The following GLE1 variants were observed in gnomAD, a reference collection of about 807,000 sequenced individuals.
GLE1 encodes mRNA export factor GLE1.
In GLE1, 78 loss-of-function variants were observed where a neutral mutation model predicts 97.3. That is an observed-to-expected ratio of 0.80 (90% CI 0.67 to 0.97). GLE1 has a LOEUF of 0.97. GLE1 is among the 50% of genes least tolerant of loss of function. GLE1 has a pLI of 0.00. For synonymous variants in GLE1, 302 were observed against 313.4 expected (o/e 0.96, Z 0.39); for missense variants, 753 against 857.5 (o/e 0.88, Z 1.52).
At chr9:128,525,560 G>C (rs1435646106) in intron 7 of GLE1, 137 bp downstream of exon 7, 3 of 711,254 alleles carry the variant, frequency 4.2e-6, no homozygotes, top group East Asian at 5.4e-5. Context: ...TTCAGTTTTG[G>C]TTGATGTAGA....
chr9:128,539,940 G>T, intron 14 of GLE1: 1 of 1,099,354 alleles, frequency 9.1e-7, no homozygotes, highest in Non-Finnish European at 1.3e-6. Flanking sequence ...GAGCACAGTG[G>T]CTTATGCCTA....
chr9:128,520,368 A>G (rs1004617207), intron 3 of GLE1, among the ~76,000 whole-genome samples: 38 of 133,970 alleles, frequency 2.8e-4, no homozygotes, highest in African/African-American at 6.8e-4. Context: ...GTGTGTATAT[A>G]TGTATATATG....
At chr9:128,539,270 G>C (rs1847818470) in intron 13 of GLE1, among the ~76,000 whole-genome samples, 1 of 152,038 alleles carries the variant, frequency 6.6e-6, no homozygotes, top group South Asian at 2.1e-4. Context: ...CACCATACAT[G>C]AACAATGATC....
At chr9:128,522,067 A>T (rs978927235) in intron 3 of GLE1, among the ~76,000 whole-genome samples, 1 of 152,164 alleles carries the variant, frequency 6.6e-6, no homozygotes, top group African/African-American at 2.4e-5. Flanking sequence ...TAAATTACCA[A>T]TGAACCCCAT....
intron 9 of GLE1, among the ~76,000 whole-genome samples, chr9:128,531,232 A>G (rs1472739974): frequency 1.3e-5 from 2 of 151,256 alleles, no homozygotes; most frequent in African/African-American, 4.9e-5. Context: ...AAAAAAAAAA[A>G]AAAGGTGGAT....
intron 12 of GLE1, among the ~76,000 whole-genome samples, chr9:128,537,453 C>CA (rs57584433): frequency 0.27 from 11,547 of 43,372 alleles, 1,361 homozygotes; most frequent in African/African-American, 0.36. Context: ...AACTCTCCCT[C>CA]AAAAAAAAAA....
intron 2 of GLE1, among the ~76,000 whole-genome samples, chr9:128,512,640 G>A (rs1390706435): frequency 1.3e-5 from 2 of 151,562 alleles, no homozygotes; most frequent in Non-Finnish European, 2.9e-5. Flanking sequence ...GTCTTTATCT[G>A]TAAATCTCAT....
At position 128,541,121 on chromosome 9, in the gene GLE1, A is replaced by T. The variant is rs774967923; in HGVS notation, c.2048A>T (p.Asp683Val). The change falls in exon 16 of 16, where the codon GAC becomes GTC. Residue 683 changes from aspartate (D) to valine (V), a missense_variant. Physicochemically the swap from Asp to Val is radical, Grantham distance 152. Transcript: ENST00000309971. Reference sequence around the variant, plus strand: ...GACCAGAAATGTTTGCAACACAAGGACATTCCTGTCCCCAAGGGCTTTCTG... The same window carrying T: ...GACCAGAAATGTTTGCAACACAAGGTCATTCCTGTCCCCAAGGGCTTTCTG... ...QFLEKCLQHK[D>V]IPVPKGFLTS... is the part of the protein sequence containing the mutation. The T allele has an allele frequency of 1.9e-6, 3 of 1,587,108 alleles. No individual in the cohort carries two copies. The highest frequency in any genetic ancestry group is 2.6e-6 in the Non-Finnish European group (3 of 1,155,364).
At chr9:128,506,055 C>G (rs1846631793) in intron 1 of GLE1, among the ~76,000 whole-genome samples, 3 of 152,036 alleles carry the variant, frequency 2.0e-5, no homozygotes, top group Admixed American at 2.0e-4. Flanking sequence ...TCAAAATAAT[C>G]ACATGCAAGG....
intron 1 of GLE1, among the ~76,000 whole-genome samples, chr9:128,506,516 T>C (rs1009611170): frequency 1.3e-5 from 2 of 152,208 alleles, no homozygotes; most frequent in Non-Finnish European, 2.9e-5. Context: ...CACAAAAAGA[T>C]GTCCCAGGTG....
chr9:128,515,454 C>A, intron 2 of GLE1, 75 bp from the exon 3 acceptor site: 1 of 826,658 alleles, frequency 1.2e-6, no homozygotes, highest in Non-Finnish European at 2.0e-6. Flanking sequence ...TGGTCTTTGT[C>A]TAGAAGAGAT....
intron 7 of GLE1, among the ~76,000 whole-genome samples, chr9:128,526,222 A>T (rs1847296789): frequency 6.6e-6 from 1 of 151,574 alleles, no homozygotes; most frequent in Admixed American, 6.6e-5. Context: ...GGATTTCACC[A>T]CGTTGGCCAG....
At chr9:128,523,533 T>C in intron 5 of GLE1, 59 bp from the exon 6 acceptor site, 3 of 1,602,858 alleles carry the variant, frequency 1.9e-6, no homozygotes, top group African/African-American at 2.7e-5. Context: ...ATTTGAGGAC[T>C]GTAGAAAGAA....
At chr9:128,535,908 G>A (rs1413078839) in intron 11 of GLE1, among the ~76,000 whole-genome samples, 2 of 152,068 alleles carry the variant, frequency 1.3e-5, no homozygotes, top group African/African-American at 2.4e-5. Flanking sequence ...CCTGGGTGGT[G>A]AAGTTTGCAG....
chr9:128,509,220 G>A, intron 2 of GLE1, 123 bp downstream of exon 2: 4 of 723,442 alleles, frequency 5.5e-6, no homozygotes, highest in Non-Finnish European at 1.0e-5. Flanking sequence ...TGTAGCTGTT[G>A]TAGAGACAAT....
At chr9:128,529,555 T>G (rs1441785791) in intron 9 of GLE1, among the ~76,000 whole-genome samples, 9 of 152,150 alleles carry the variant, frequency 5.9e-5, no homozygotes, top group Non-Finnish European at 1.3e-4. Flanking sequence ...TCCTATGTCT[T>G]CTAAGTGTTT....
chr9:128,523,425 A>T, intron 5 of GLE1, 85 bp downstream of exon 5: 1 of 1,396,558 alleles, frequency 7.2e-7, no homozygotes, highest in Non-Finnish European at 1.0e-6. Context: ...GATGGCCACC[A>T]TGGAGGATCT....
chr9:128,507,176 A>ACATATC (rs1177184194), intron 1 of GLE1, among the ~76,000 whole-genome samples: 1 of 152,176 alleles, frequency 6.6e-6, no homozygotes, highest in Non-Finnish European at 1.5e-5. Flanking sequence ...GTGTATACAT[A>ACATATC]CATATCCATA....
Position 128,533,746 on chromosome 9 carries a change from C to A in GLE1, c.1456-15C>A, listed in dbSNP as rs527819582. On this transcript the variant is annotated splice_polypyrimidine_tract_variant and intron_variant, in intron 10 of 15. Transcript: ENST00000309971. ...TGGTATTAAGTTAAAATTGTACCCA[C>A]CTCTATGTTCTCAGAAACAAGGCGA... 13 of 1,613,738 alleles carry A rather than the reference C, an allele frequency of 8.1e-6. No homozygotes were observed. The highest frequency in any genetic ancestry group is 1.1e-5 in the South Asian group (1 of 91,068).
Sources: gnomAD v4.1 joint callset for allele counts (sites outside exome capture counted in the v4.1 genomes callset) on GRCh38, gnomAD v4.1.1 for gene constraint, MANE v1.5 for transcripts, NCBI Gene and HGNC (gene_info 2026-07-23, HGNC 2026-07-21) for gene names.